Variants in ADCY2 observed in about 807,000 individuals in gnomAD.
ADCY2 encodes the protein adenylate cyclase type 2.
In ADCY2, 31 loss-of-function variants were observed where a neutral mutation model predicts 125.2. That is an observed-to-expected ratio of 0.25 (90% CI 0.19 to 0.33). The LOEUF is 0.33. Ranked by LOEUF, ADCY2 falls within the 10% of genes least tolerant of loss-of-function variation. The pLI is 1.00. For missense variants in ADCY2, 904 were observed against 1,418.2 expected (o/e 0.64, Z 5.82); for synonymous variants, 512 against 548.4 (o/e 0.93, Z 0.93).
chr5:7,787,516 C>G (rs548208185), intron 19 of ADCY2, among the ~76,000 whole-genome samples: 1 of 152,250 alleles, frequency 6.6e-6, no homozygotes, highest in Non-Finnish European at 1.5e-5. Context: ...TCAATGCATT[C>G]CATTTGATTG....
chr5:7,541,637 G>A (rs192216332), intron 3 of ADCY2, among the ~76,000 whole-genome samples: 35 of 152,278 alleles, frequency 2.3e-4, no homozygotes, highest in African/African-American at 4.8e-4. Context: ...CCTTTCAGGC[G>A]TCACCCTTGG....
At chr5:7,683,038 C>G (rs1740392671) in intron 4 of ADCY2, among the ~76,000 whole-genome samples, 1 of 152,240 alleles carries the variant, frequency 6.6e-6, no homozygotes, top group South Asian at 2.1e-4. Flanking sequence ...TCTGACACCA[C>G]TGAAACGACC....
At chr5:7,572,663 T>C (rs1183999109) in intron 3 of ADCY2, among the ~76,000 whole-genome samples, 1 of 152,250 alleles carries the variant, frequency 6.6e-6, no homozygotes, top group Non-Finnish European at 1.5e-5. Context: ...AATTTTTGCT[T>C]TCGTTGCAAT....
chr5:7,634,855 G>C (rs1267205426), intron 4 of ADCY2, among the ~76,000 whole-genome samples: 2 of 152,146 alleles, frequency 1.3e-5, no homozygotes, highest in African/African-American at 4.8e-5. Flanking sequence ...TTCATGAGAA[G>C]ATATAACAAG....
chr5:7,740,387 C>T (rs1742374159), intron 14 of ADCY2, among the ~76,000 whole-genome samples: 1 of 152,008 alleles, frequency 6.6e-6, no homozygotes, highest in Non-Finnish European at 1.5e-5. Context: ...CAAACCTACA[C>T]TCCTAGTTGG....
intron 2 of ADCY2, among the ~76,000 whole-genome samples, chr5:7,455,718 GTTA>G (rs35809635): frequency 0.056 from 8,047 of 144,832 alleles, 718 homozygotes; most frequent in African/African-American, 0.19. Context: ...ATTATATTAT[GTTA>G]TTATAATATA....
At chr5:7,652,938 G>A (rs940550105) in intron 4 of ADCY2, among the ~76,000 whole-genome samples, 4 of 152,182 alleles carry the variant, frequency 2.6e-5, no homozygotes, top group East Asian at 1.9e-4. Flanking sequence ...GAGAAGAAAC[G>A]TGTAGAAAAG....
intron 2 of ADCY2, among the ~76,000 whole-genome samples, chr5:7,469,496 G>C (rs183658974): frequency 4.0e-5 from 6 of 151,662 alleles, no homozygotes; most frequent in African/African-American, 1.5e-4. Flanking sequence ...ATATATAGAG[G>C]GAGAGAGAGT....
chr5:7,813,735 CTTTT>C (rs1745013695), intron 22 of ADCY2, among the ~76,000 whole-genome samples: 1 of 152,328 alleles, frequency 6.6e-6, no homozygotes, highest in East Asian at 1.9e-4. Flanking sequence ...TCAATCTCTT[CTTTT>C]ATTACTGACG....
chr5:7,721,217 A>G (rs376649633), intron 12 of ADCY2, among the ~76,000 whole-genome samples: 3 of 152,098 alleles, frequency 2.0e-5, no homozygotes, highest in Non-Finnish European at 2.9e-5. Flanking sequence ...GTCTGTTCAT[A>G]TCCTTTGCCC....
chr5:7,571,326 C>T (rs180766852), intron 3 of ADCY2, among the ~76,000 whole-genome samples: 1 of 152,150 alleles, frequency 6.6e-6, no homozygotes, highest in African/African-American at 2.4e-5. Context: ...TGTTTGTGTC[C>T]AAAAGCCTGA....
intron 3 of ADCY2, among the ~76,000 whole-genome samples, chr5:7,579,117 A>G (rs1736342251): frequency 6.6e-6 from 1 of 152,196 alleles, no homozygotes; most frequent in Non-Finnish European, 1.5e-5. Flanking sequence ...CCGTCAAGCC[A>G]ATCATTCTAT....
chr5:7,766,019 C>T (rs1411656971), intron 16 of ADCY2, among the ~76,000 whole-genome samples: 1 of 152,176 alleles, frequency 6.6e-6, no homozygotes, highest in Admixed American at 6.5e-5. Context: ...TACTGTCCTT[C>T]TGATGCTTAT....
chr5:7,597,512 C>T (rs899220476), intron 3 of ADCY2, among the ~76,000 whole-genome samples: 22 of 152,208 alleles, frequency 1.4e-4, no homozygotes, highest in African/African-American at 2.9e-4. Flanking sequence ...CAGTGGCTCA[C>T]GCCTGTAATC....
Position 7,802,334 on chromosome 5 carries a change from C to A in ADCY2, c.2745C>A (p.Leu915=). 2 of 1,614,150 alleles carry A rather than the reference C, an allele frequency of 1.2e-6. No homozygotes were observed. The highest frequency in any genetic ancestry group is 1.1e-5 in the South Asian group (1 of 91,072). ...AGGAGGGCTTGGAATGCCTTCGGCT[C>A]CTGAACGAGATCATCGCTGACTTTG... ...VNKEGLECLR[L]LNEIIADFDD... is the part of the protein sequence containing the mutation. Residue 915 remains leucine (L), a synonymous_variant, in exon 21 of 25, where the codon CTC becomes CTA. Transcript: ENST00000338316. This position sits in a 1 kb window ranked among gnomAD's most constrained non-coding sequence, Gnocchi z 4.6.
chr5:7,403,937 T>TACACACACACAC (rs370540720), intron 1 of ADCY2, among the ~76,000 whole-genome samples: 53 of 140,546 alleles, frequency 3.8e-4, no homozygotes, highest in African/African-American at 1.0e-3. Context: ...CTTTCAATGC[T>TACACACACACAC]ACACACACAC....
chr5:7,578,516 T>C (rs1736322862), intron 3 of ADCY2, among the ~76,000 whole-genome samples: 1 of 152,178 alleles, frequency 6.6e-6, no homozygotes, highest in South Asian at 2.1e-4. Flanking sequence ...AAGTTTTTGT[T>C]TGTTGATGTA....
At chr5:7,664,623 T>A (rs1359651620) in intron 4 of ADCY2, among the ~76,000 whole-genome samples, 1 of 152,182 alleles carries the variant, frequency 6.6e-6, no homozygotes, top group Non-Finnish European at 1.5e-5. Context: ...AGGAAGAAAA[T>A]CAAAATGTTT....
At chr5:7,438,522 C>T (rs186911006) in intron 2 of ADCY2, among the ~76,000 whole-genome samples, 17 of 152,274 alleles carry the variant, frequency 1.1e-4, no homozygotes, top group African/African-American at 3.9e-4. Context: ...AGGAGACCAA[C>T]ATCTACTATA....
Sources: gnomAD v4.1 joint callset for allele counts (sites outside exome capture counted in the v4.1 genomes callset) on GRCh38, gnomAD v4.1.1 for gene constraint, Gnocchi (gnomAD v3.1) non-coding constraint, MANE v1.5 for transcripts, NCBI Gene and HGNC (gene_info 2026-07-23, HGNC 2026-07-21) for gene names.